EED: variants seen among roughly 807,000 people sequenced by gnomAD.
EED encodes embryonic ectoderm development.
Under a neutral mutation model 61.0 loss-of-function variants are expected in EED, and 9 were observed. The observed-to-expected ratio is 0.15, with a 90% confidence interval of 0.09 to 0.26. The LOEUF (loss-of-function observed/expected upper bound fraction) is 0.26, where lower values mean the gene tolerates loss of function less well. Ranked by LOEUF, EED falls within the 10% of genes least tolerant of loss-of-function variation. The probability of loss-of-function intolerance (pLI) is 1.00; values close to 1 mark genes in which losing one functional copy is unlikely to be tolerated. For missense variants in EED, 315 were observed against 542.3 expected (o/e 0.58, Z 4.16); for synonymous variants, 187 against 174.4 (o/e 1.07, Z -0.57).
At position 86,274,771 on chromosome 11, in the gene EED, A is replaced by G. The variant is rs376417494; in HGVS notation, c.967-2209A>G. 2.6e-5 allele frequency among the ~76,000 whole-genome samples: 4 copies of G among 152,220 alleles called. No homozygotes were observed. The South Asian group carries it at 8.3e-4, about 32-fold the overall frequency. On this transcript the variant is annotated intron_variant, in intron 9 of 11. Transcript: ENST00000263360. Reference sequence around the variant, plus strand: ...GAATGGTTATGAATGTCCTAACTCTATTAGGCCTCCTCTGATACCACCCTA... The same window carrying G: ...GAATGGTTATGAATGTCCTAACTCTGTTAGGCCTCCTCTGATACCACCCTA...
In EED at chr11:86,252,162, A is replaced by G. The variant is rs148310660; in HGVS notation, c.282A>G (p.Gln94=). 7 of 1,611,750 alleles carry G rather than the reference A, an allele frequency of 4.3e-6. No individual in the cohort carries two copies. The highest frequency in any genetic ancestry group is 1.3e-5 in the African/African-American group (1 of 74,874). The change falls in exon 3 of 12, where the codon CAA becomes CAG. Residue 94 remains glutamine (Q), a synonymous_variant. Coordinates refer to ENST00000263360, the MANE Select transcript of EED (RefSeq NM_003797.5). ...CVNSLKEDHN[Q]PLFGVQFNWH... ...TTATTTTATAGGAAGATCATAACCAACCATTGTTTGGAGTTCAGTTTAACT... is the reference window on the plus strand; with the variant it reads ...TTATTTTATAGGAAGATCATAACCAGCCATTGTTTGGAGTTCAGTTTAACT...
intron 6 of EED, among the ~76,000 whole-genome samples, chr11:86,261,903 A>G (rs1172966582): frequency 2.0e-5 from 3 of 152,128 alleles, no homozygotes; most frequent in Non-Finnish European, 4.4e-5. Context: ...GGTCTTAGCT[A>G]TGTCTTGAAG....
chr11:86,286,967 G>A, the EED span, among the ~76,000 whole-genome samples: 319 of 83,542 alleles, frequency 3.8e-3, 1 homozygote, highest in Non-Finnish European at 4.0e-3. Context: ...GCGAGACTCC[G>A]TCTCAAAAAA....
intron 9 of EED, among the ~76,000 whole-genome samples, chr11:86,275,089 CT>C (rs1026453365): frequency 1.3e-5 from 2 of 152,074 alleles, no homozygotes; most frequent in Admixed American, 6.5e-5. Flanking sequence ...TGCCTTCTCT[CT>C]TATCTAGTCT....
downstream of EED, among the ~76,000 whole-genome samples, chr11:86,282,779 G>T (rs1311754293): frequency 6.6e-6 from 1 of 152,098 alleles, no homozygotes. Context: ...CTGCTGTAGG[G>T]CGAAAGCAGC....
At chr11:86,271,879 T>C (rs768038807) in intron 9 of EED, among the ~76,000 whole-genome samples, 35 of 150,934 alleles carry the variant, frequency 2.3e-4, no homozygotes, top group Middle Eastern at 3.4e-3. Flanking sequence ...CTGAGTTCTG[T>C]TTGCTAATAT....
chr11:86,245,099 A>C lies in EED; in HGVS notation c.-131A>C. On this transcript the variant is annotated 5_prime_UTR_variant, in exon 1 of 12. Transcript: ENST00000263360. ...CCTCGGCGGCTGGGCGCGATTTGCGACAGTGGGGGGGGCGGTGGAGGTGGC... is the reference window on the plus strand; with the variant it reads ...CCTCGGCGGCTGGGCGCGATTTGCGCCAGTGGGGGGGGCGGTGGAGGTGGC... 1.6e-6 allele frequency: 1 copy of C among 638,188 alleles called. No homozygotes were observed. Among genetic ancestry groups the C allele is most frequent in the Non-Finnish European group, 2.6e-6 (1 of 389,088 alleles). The allele number at this position is 638,188 out of a possible 1,614,324, so 39.5% of individuals were successfully genotyped here. A position where few individuals can be genotyped will look rare whatever the true frequency, so the allele number is the denominator to read the frequency against.
Position 86,256,516 on chromosome 11 carries a change from G to C in EED, c.552+4G>C. On this transcript the variant is annotated splice_donor_region_variant and intron_variant, in intron 5 of 11. Transcript: ENST00000263360. ...TATAACAATGCAGTGTATAAAGGTG[G>C]GTTTTTCTGGTTAAATTGTAGATCT... The C allele has an allele frequency of 1.3e-6, 2 of 1,545,696 alleles. No individual in the cohort carries two copies. The highest frequency in any genetic ancestry group is 1.8e-6 in the Non-Finnish European group (2 of 1,140,882).
intron 5 of EED, among the ~76,000 whole-genome samples, chr11:86,257,056 G>A (rs1205807321): frequency 6.8e-6 from 1 of 147,234 alleles, no homozygotes; most frequent in Admixed American, 6.8e-5. Context: ...TTTTTGTTCT[G>A]AGACAGATTC....
chr11:86,248,638 CT>C (rs1482294868), intron 1 of EED, among the ~76,000 whole-genome samples: 2 of 152,022 alleles, frequency 1.3e-5, no homozygotes, highest in Non-Finnish European at 1.5e-5. Context: ...GAGACAGAAA[CT>C]TTTTTTTCCC....
chr11:86,286,380 G>GA, the EED span, among the ~76,000 whole-genome samples: 2 of 151,322 alleles, frequency 1.3e-5, no homozygotes, highest in Middle Eastern at 3.2e-3. Flanking sequence ...TGTTTCGAAG[G>GA]AAAAAAAATG....
intron 6 of EED, among the ~76,000 whole-genome samples, chr11:86,258,071 A>G (rs1258815112): frequency 6.6e-6 from 1 of 151,730 alleles, no homozygotes; most frequent in East Asian, 1.9e-4. Context: ...TCTGTTAGTT[A>G]TTTTTCCTGA....
downstream of EED, among the ~76,000 whole-genome samples, chr11:86,279,838 T>C (rs1002320276): frequency 6.6e-5 from 10 of 152,182 alleles, no homozygotes; most frequent in African/African-American, 2.4e-4. Flanking sequence ...CAATGAACGC[T>C]TCAATTGTTT....
intron 9 of EED, among the ~76,000 whole-genome samples, chr11:86,274,028 C>G (rs967181332): frequency 5.3e-5 from 8 of 151,246 alleles, no homozygotes; most frequent in African/African-American, 1.7e-4. Context: ...CAGCCCTGCT[C>G]TCTTCCCTCA....
chr11:86,261,700 A>C (rs1945833508), intron 6 of EED, among the ~76,000 whole-genome samples: 1 of 152,182 alleles, frequency 6.6e-6, no homozygotes, highest in Non-Finnish European at 1.5e-5. Context: ...TGCAGACTTA[A>C]CACCACATGG....
At chr11:86,272,111 G>C in intron 9 of EED, among the ~76,000 whole-genome samples, 1 of 125,848 alleles carries the variant, frequency 7.9e-6, no homozygotes, top group African/African-American at 3.1e-5. Context: ...AGGCTGGAGT[G>C]CAATGGCGCG....
the EED span, among the ~76,000 whole-genome samples, chr11:86,286,883 A>T: frequency 1.3e-5 from 2 of 150,352 alleles, no homozygotes; most frequent in East Asian, 4.0e-4. Context: ...GAGGCAGGAG[A>T]ATGGTGTGAA....
At chr11:86,248,979 A>G (rs1945459566) in intron 1 of EED, among the ~76,000 whole-genome samples, 1 of 152,150 alleles carries the variant, frequency 6.6e-6, no homozygotes, top group South Asian at 2.1e-4. Flanking sequence ...AGAGTGGGTG[A>G]CAGAGGGAGA....
intron 7 of EED, 41 bp downstream of exon 7, chr11:86,264,304 T>C: frequency 1.4e-6 from 2 of 1,442,864 alleles, no homozygotes; most frequent in Non-Finnish European, 2.0e-6. Flanking sequence ...CAGGTTTACA[T>C]AGCTGTGAAC....
Sources: allele counts gnomAD v4.1 joint callset (sites outside exome capture counted in the v4.1 genomes callset), GRCh38; gene constraint gnomAD v4.1.1; transcripts MANE v1.5; gene names NCBI Gene and HGNC (gene_info 2026-07-23, HGNC 2026-07-21).